The following CSMD3 variants were observed in gnomAD, a reference collection of about 807,000 sequenced individuals.
CSMD3 encodes the protein CUB and sushi domain-containing protein 3.
CSMD3 carries 177 observed loss-of-function variants against 435.2 expected under a neutral mutation model. The observed-to-expected ratio is 0.41, with a 90% CI of 0.36 to 0.46. CSMD3 has a LOEUF of 0.46. Among genes scored for constraint, CSMD3 ranks in the 20% least tolerant of loss-of-function variants. The pLI is 0.34. For missense variants in CSMD3, 4,265 were observed against 4,504.6 expected, an observed-to-expected ratio of 0.95 and a Z score of 1.52; for synonymous variants, 1,656 against 1,520.5, an observed-to-expected ratio of 1.09 and a Z score of -2.07.
intron 3 of CSMD3, among the ~76,000 whole-genome samples, chr8:113,224,720 TG>T (rs1270075673): frequency 6.6e-6 from 1 of 151,266 alleles, no homozygotes; most frequent in Non-Finnish European, 1.5e-5. Context: ...ATTAACCACC[TG>T]TGTCTTCCAA....
intron 10 of CSMD3, among the ~76,000 whole-genome samples, chr8:112,866,810 C>T (rs1023796132): frequency 4.6e-5 from 7 of 152,144 alleles, no homozygotes; most frequent in African/African-American, 1.2e-4. Context: ...ACAAAACAGG[C>T]CATATTATTT....
intron 31 of CSMD3, among the ~76,000 whole-genome samples, 171 bp from the exon 32 acceptor site, chr8:112,472,878 G>A (rs1277203151): frequency 6.6e-6 from 1 of 152,056 alleles, no homozygotes; most frequent in Non-Finnish European, 1.5e-5. Context: ...ATAAAAAAGT[G>A]TACAAACAAA....
At chr8:112,304,232 T>C (rs1821198755) in intron 52 of CSMD3, among the ~76,000 whole-genome samples, 1 of 152,116 alleles carries the variant, frequency 6.6e-6, no homozygotes. Flanking sequence ...GATTTTCTAG[T>C]TTTAGAATTT....
At chr8:112,929,590 T>C (rs920321208) in intron 9 of CSMD3, among the ~76,000 whole-genome samples, 2 of 152,084 alleles carry the variant, frequency 1.3e-5, no homozygotes, top group Non-Finnish European at 2.9e-5. Context: ...AATTAAACAA[T>C]TTTTAATAGA....
intron 24 of CSMD3, among the ~76,000 whole-genome samples, chr8:112,567,857 T>C (rs1219869647): frequency 6.6e-6 from 1 of 152,152 alleles, no homozygotes; most frequent in Non-Finnish European, 1.5e-5. Context: ...CTCCCTGTTC[T>C]CTCTCAGAAG....
intron 34 of CSMD3, among the ~76,000 whole-genome samples, chr8:112,407,410 G>GT (rs992685446): frequency 6.6e-6 from 1 of 151,866 alleles, no homozygotes; most frequent in Non-Finnish European, 1.5e-5. Flanking sequence ...ATAACAGGAT[G>GT]TTTTTTCTTT....
chr8:112,669,708 C>A (rs888154529), intron 16 of CSMD3, among the ~76,000 whole-genome samples: 2 of 152,102 alleles, frequency 1.3e-5, no homozygotes, highest in African/African-American at 4.8e-5. Context: ...TATTTCAGTT[C>A]TTCGACGTAC....
intron 4 of CSMD3, among the ~76,000 whole-genome samples, chr8:113,136,229 G>A (rs1398288853): frequency 3.3e-5 from 5 of 151,610 alleles, no homozygotes; most frequent in African/African-American, 1.2e-4. Flanking sequence ...TCGCAGACAA[G>A]TAAGTATTTG....
intron 5 of CSMD3, among the ~76,000 whole-genome samples, chr8:113,040,978 C>A (rs1300720052): frequency 6.6e-6 from 1 of 151,812 alleles, no homozygotes; most frequent in Admixed American, 6.6e-5. Flanking sequence ...CTGAGTTGGG[C>A]AGCTTGCCTG....
chr8:113,363,831 C>T (rs1298859096), intron 1 of CSMD3, among the ~76,000 whole-genome samples: 1 of 152,248 alleles, frequency 6.6e-6, no homozygotes, highest in South Asian at 2.1e-4. Flanking sequence ...TCTGACTATA[C>T]ATTTTCAGCC....
intron 24 of CSMD3, among the ~76,000 whole-genome samples, chr8:112,565,900 T>C (rs1303703519): frequency 6.6e-6 from 1 of 151,990 alleles, no homozygotes; most frequent in East Asian, 1.9e-4. Flanking sequence ...AGAGATTTCA[T>C]GAACAATATG....
intron 3 of CSMD3, among the ~76,000 whole-genome samples, chr8:113,194,981 CCT>C (rs948303743): frequency 3.3e-5 from 5 of 151,094 alleles, no homozygotes; most frequent in South Asian, 4.1e-4. Context: ...TTCAATTGCC[CCT>C]GATCTCTTCC....
intron 1 of CSMD3, chr8:113,377,359 T>C (rs2094392525): frequency 5.6e-6 from 1 of 177,796 alleles, no homozygotes; most frequent in African/African-American, 2.4e-5. Flanking sequence ...ATTATTTCAG[T>C]ATACACATGA....
chr8:112,697,732 A>G (rs902364481), intron 13 of CSMD3, among the ~76,000 whole-genome samples: 1 of 151,106 alleles, frequency 6.6e-6, no homozygotes, highest in Non-Finnish European at 1.5e-5. Flanking sequence ...AAAGTATAAT[A>G]AAAAAAAATA....
intron 30 of CSMD3, among the ~76,000 whole-genome samples, chr8:112,500,790 C>T (rs934299269): frequency 6.6e-6 from 1 of 152,158 alleles, no homozygotes; most frequent in Admixed American, 6.5e-5. Context: ...GAAAAGGCTA[C>T]CTGGGACTAG....
chr8:112,223,983 TA>T lies in CSMD3; in HGVS notation c.*787del, dbSNP rs979572078. On this transcript the variant is annotated 3_prime_UTR_variant, in exon 71 of 71. Transcript: ENST00000297405. ...CTGAAGCTACTATCACATTTGGGAT[TA>T]AAAAATAATAAAAATAAATAGGAAA... The T allele has an allele frequency of 4.6e-5, 7 of 152,032 alleles. No homozygotes were observed. The highest frequency in any genetic ancestry group is 1.7e-4 in the African/African-American group (7 of 41,418). 9.4% of individuals were successfully genotyped at this position (152,032 alleles called of 1,614,324 possible).
At chr8:112,324,325 T>C (rs1823290054) in intron 45 of CSMD3, among the ~76,000 whole-genome samples, 1 of 152,120 alleles carries the variant, frequency 6.6e-6, no homozygotes, top group South Asian at 2.1e-4. Context: ...TATGTATTGG[T>C]TCACGTTCCG....
chr8:113,324,522 A>C (rs1320225086), intron 1 of CSMD3, among the ~76,000 whole-genome samples: 1 of 152,162 alleles, frequency 6.6e-6, no homozygotes, highest in African/African-American at 2.4e-5. Flanking sequence ...GAAGTAAAGA[A>C]CTGGGGTTTG....
chr8:113,126,290 G>A (rs569266510), intron 4 of CSMD3, among the ~76,000 whole-genome samples: 2 of 152,018 alleles, frequency 1.3e-5, no homozygotes, highest in South Asian at 4.1e-4. Context: ...AGAAAAAGAA[G>A]CACAGAAGGA....
Sources: gnomAD v4.1 joint callset for allele counts (sites outside exome capture counted in the v4.1 genomes callset) on GRCh38, gnomAD v4.1.1 for gene constraint, MANE v1.5 for transcripts, NCBI Gene and HGNC (gene_info 2026-07-23, HGNC 2026-07-21) for gene names.